Variants in NSD1 observed in about 807,000 individuals in gnomAD.
NSD1 encodes nuclear receptor binding SET domain protein 1.
NSD1 carries 26 observed loss-of-function variants against 242.7 expected under a neutral mutation model. The ratio of observed to expected loss-of-function variants is 0.11; its 90% CI spans 0.08 to 0.15. The LOEUF is 0.15. Ranked by LOEUF, NSD1 falls within the 10% of genes least tolerant of loss-of-function variation. NSD1 has a pLI of 1.00. For missense variants in NSD1, 2,495 were observed against 3,272.8 expected, an observed-to-expected ratio of 0.76 and a Z score of 5.80; for synonymous variants, 1,106 against 1,178.1, an observed-to-expected ratio of 0.94 and a Z score of 1.25.
At chr5:177,273,926 C>T in intron 17 of NSD1, 142 bp downstream of exon 17, 1 of 634,142 alleles carries the variant, frequency 1.6e-6, no homozygotes, top group East Asian at 3.1e-5. Flanking sequence ...TCAGAAATAG[C>T]CGGGCACGGT....
At chr5:177,281,160 G>C (rs890537353) in intron 18 of NSD1, among the ~76,000 whole-genome samples, 2 of 152,134 alleles carry the variant, frequency 1.3e-5, no homozygotes, top group African/African-American at 4.8e-5. Context: ...ATGATACAGA[G>C]ACATTGATCC....
chr5:177,187,865 C>G (rs1202951978), intron 2 of NSD1, among the ~76,000 whole-genome samples: 2 of 152,162 alleles, frequency 1.3e-5, no homozygotes, highest in African/African-American at 4.8e-5. Flanking sequence ...TTCACAGCTA[C>G]TGGGTTAGGG....
chr5:177,277,126 C>T (rs1758457806), intron 17 of NSD1, among the ~76,000 whole-genome samples: 1 of 149,752 alleles, frequency 6.7e-6, no homozygotes, highest in African/African-American at 2.5e-5. Flanking sequence ...CTTCTTTACT[C>T]CATTTTTTTT....
intron 6 of NSD1, among the ~76,000 whole-genome samples, chr5:177,236,469 CT>C (rs1267744425): frequency 2.6e-5 from 4 of 152,190 alleles, no homozygotes; most frequent in Non-Finnish European, 5.9e-5. Context: ...CAATTATCCC[CT>C]AACCTTTACC....
At chr5:177,281,291 C>T (rs1758853900) in intron 18 of NSD1, among the ~76,000 whole-genome samples, 1 of 150,400 alleles carries the variant, frequency 6.6e-6, no homozygotes, top group Non-Finnish European at 1.5e-5. Context: ...TAAAACTTGG[C>T]AGGATCTCTA....
At chr5:177,293,734 A>AAGGTC in intron 22 of NSD1, 98 bp from the exon 23 acceptor site, 1 of 1,325,664 alleles carries the variant, frequency 7.5e-7, no homozygotes, top group African/African-American at 1.4e-5. Context: ...AGTGTGAAGG[A>AAGGTC]AGGTCATCAT....
intron 8 of NSD1, among the ~76,000 whole-genome samples, chr5:177,242,926 T>C (rs1355050915): frequency 1.3e-5 from 2 of 152,168 alleles, no homozygotes; most frequent in Admixed American, 6.5e-5. Context: ...AGACATTTGC[T>C]TGGGGTGGAA....
intron 16 of NSD1, among the ~76,000 whole-genome samples, chr5:177,273,369 G>C (rs1758099461): frequency 1.4e-5 from 2 of 142,276 alleles, no homozygotes; most frequent in South Asian, 2.2e-4. Context: ...CGCCACCACA[G>C]ATAAGCAAAA....
At chr5:177,153,376 A>T (rs1757882772) in intron 2 of NSD1, among the ~76,000 whole-genome samples, 1 of 152,052 alleles carries the variant, frequency 6.6e-6, no homozygotes, top group African/African-American at 2.4e-5. Context: ...CCACACTTAG[A>T]TAGCACTGAT....
chr5:177,210,031 T>C lies in NSD1; in HGVS notation c.1632T>C (p.Asp544=). The change falls in exon 5 of 23, where the codon GAT becomes GAC. Residue 544 remains aspartate (D), a synonymous_variant. Coordinates refer to ENST00000439151, the MANE Select transcript of NSD1 (RefSeq NM_022455.5). ...GLNFISGDIS[D]TQASNELSRI... ...ACTTTATCTCTGGGGATATATCTGATACGCAGGCCTCTAATGAACTTTCCA... is the reference window on the plus strand; with the variant it reads ...ACTTTATCTCTGGGGATATATCTGACACGCAGGCCTCTAATGAACTTTCCA... The C allele has an allele frequency of 6.2e-7, 1 of 1,614,160 alleles. No homozygotes were observed. The highest frequency in any genetic ancestry group is 8.5e-7 in the Non-Finnish European group (1 of 1,180,016).
chr5:177,260,638 G>A (rs1756929195), intron 14 of NSD1, among the ~76,000 whole-genome samples: 1 of 152,138 alleles, frequency 6.6e-6, no homozygotes, highest in Non-Finnish European at 1.5e-5. Flanking sequence ...GTGAGCCACT[G>A]TGCCTGTCCA....
At chr5:177,219,211 G>A (rs1377342143) in intron 5 of NSD1, among the ~76,000 whole-genome samples, 1 of 151,482 alleles carries the variant, frequency 6.6e-6, no homozygotes, top group Non-Finnish European at 1.5e-5. Context: ...TTTTGAGAGG[G>A]AGTCTCGCTC....
chr5:177,160,671 T>G (rs1357959725), intron 2 of NSD1, among the ~76,000 whole-genome samples: 1 of 152,186 alleles, frequency 6.6e-6, no homozygotes, highest in Non-Finnish European at 1.5e-5. Flanking sequence ...ATTTTGCATT[T>G]TGAAAATTGC....
chr5:177,187,040 A>G (rs1445625700), intron 2 of NSD1, among the ~76,000 whole-genome samples: 1 of 151,084 alleles, frequency 6.6e-6, no homozygotes, highest in African/African-American at 2.4e-5. Flanking sequence ...TGCAAAAAAC[A>G]TGGTCTTTAG....
At chr5:177,192,789 C>T (rs1761805282) in intron 3 of NSD1, among the ~76,000 whole-genome samples, 1 of 152,190 alleles carries the variant, frequency 6.6e-6, no homozygotes, top group African/African-American at 2.4e-5. Context: ...CCTTAGACTC[C>T]CAAAGTATGG....
intron 4 of NSD1, among the ~76,000 whole-genome samples, chr5:177,206,761 A>G (rs895746564): frequency 9.9e-5 from 15 of 151,798 alleles, no homozygotes; most frequent in African/African-American, 2.2e-4. Context: ...AGAGTTACCA[A>G]TCTTTTTAGA....
intron 2 of NSD1, among the ~76,000 whole-genome samples, chr5:177,164,946 TAAAAAAA>T (rs377654174): frequency 7.4e-6 from 1 of 134,462 alleles, no homozygotes. Context: ...TCTGTCTCAT[TAAAAAAA>T]AAAAAAAAGA....
At chr5:177,191,557 TC>T (rs1462935988) in intron 2 of NSD1, among the ~76,000 whole-genome samples, 2 of 152,158 alleles carry the variant, frequency 1.3e-5, no homozygotes, top group African/African-American at 4.8e-5. Flanking sequence ...AAGGACTAGA[TC>T]AAGGGTGTCT....
chr5:177,280,939 A>C, intron 18 of NSD1, 105 bp downstream of exon 18: 2 of 1,254,016 alleles, frequency 1.6e-6, no homozygotes, highest in South Asian at 2.6e-5. Flanking sequence ...TAACACAGTT[A>C]ATAATTAACC....
Sources: allele counts gnomAD v4.1 joint callset (sites outside exome capture counted in the v4.1 genomes callset), GRCh38; gene constraint gnomAD v4.1.1; transcripts MANE v1.5; gene names NCBI Gene and HGNC (gene_info 2026-07-23, HGNC 2026-07-21).